The following DPY19L4 variants were observed in gnomAD, a reference collection of about 807,000 sequenced individuals.
DPY19L4 encodes probable C-mannosyltransferase DPY19L4.
DPY19L4 carries 97 observed loss-of-function variants against 102.8 expected under a neutral mutation model. The observed-to-expected ratio is 0.94, with a 90% confidence interval of 0.80 to 1.12. DPY19L4 has a LOEUF of 1.12. Among genes scored for constraint, DPY19L4 ranks in the 50% most tolerant of loss-of-function variants. The pLI is 0.00. For missense variants in DPY19L4, 815 were observed against 850.4 expected (o/e 0.96, Z 0.52); for synonymous variants, 252 against 283.1 (o/e 0.89, Z 1.10).
chr8:94,756,503 A>G (rs2130863471), intron 7 of DPY19L4, among the ~76,000 whole-genome samples: 1 of 152,320 alleles, frequency 6.6e-6, no homozygotes, highest in African/African-American at 2.4e-5. Context: ...ATTTAAAGAT[A>G]TATTAAACAA....
chr8:94,727,514 A>G (rs60712208), intron 2 of DPY19L4, among the ~76,000 whole-genome samples: 4,319 of 152,338 alleles, frequency 0.028, 193 homozygotes, highest in African/African-American at 0.096. Context: ...GATTATAGGC[A>G]TAAGCCACCG....
At chr8:94,730,030 AAATTTT>A (rs1810876787) in intron 2 of DPY19L4, among the ~76,000 whole-genome samples, 1 of 152,078 alleles carries the variant, frequency 6.6e-6, no homozygotes, top group African/African-American at 2.4e-5. Context: ...AATACTCTTA[AAATTTT>A]GGCATAAGTG....
At chr8:94,782,981 T>A (rs1813497937) in intron 16 of DPY19L4, among the ~76,000 whole-genome samples, 1 of 152,236 alleles carries the variant, frequency 6.6e-6, no homozygotes, top group Admixed American at 6.5e-5. Context: ...TTCCTCACTA[T>A]TGAGGACAGT....
At chr8:94,770,954 ACCCAGGCTG>A (rs1812905590) in intron 13 of DPY19L4, among the ~76,000 whole-genome samples, 1 of 147,766 alleles carries the variant, frequency 6.8e-6, no homozygotes. Flanking sequence ...TCGCTCTGTC[ACCCAGGCTG>A]GAGTGCAGTG....
At chr8:94,739,823 CTT>C (rs777988895) in intron 6 of DPY19L4, 33 bp downstream of exon 6, 3 of 1,607,430 alleles carry the variant, frequency 1.9e-6, no homozygotes, top group East Asian at 4.5e-5. Flanking sequence ...TTTTTAAAAA[CTT>C]TTTGTGGCTG....
intron 1 of DPY19L4, among the ~76,000 whole-genome samples, chr8:94,723,481 A>G (rs1810561862): frequency 6.6e-6 from 1 of 152,166 alleles, no homozygotes; most frequent in Non-Finnish European, 1.5e-5. Flanking sequence ...CTCAAAAAAA[A>G]AAAAAAGATA....
intron 12 of DPY19L4, 59 bp from the exon 13 acceptor site, chr8:94,770,393 T>C (rs2130902174): frequency 6.6e-7 from 1 of 1,505,906 alleles, no homozygotes; most frequent in South Asian, 1.3e-5. Flanking sequence ...AAACAATGTA[T>C]CTTTGGTTTT....
intron 2 of DPY19L4, among the ~76,000 whole-genome samples, chr8:94,730,733 G>A (rs1203677368): frequency 4.9e-5 from 7 of 143,096 alleles, no homozygotes; most frequent in Non-Finnish European, 7.6e-5. Context: ...CAACAAGAGC[G>A]AAACTCTGTC....
In DPY19L4 at chr8:94,790,549, CATG is replaced by C. The variant is rs1444444057; in HGVS notation, c.*643_*645del. 1.3e-5 allele frequency: 2 copies of C among 152,272 alleles called. No individual in the cohort carries two copies. Among genetic ancestry groups the C allele is most frequent in the East Asian group, 1.9e-4 (1 of 5,202 alleles). The allele number at this position is 152,272 out of a possible 1,614,324, so 9.4% of individuals were successfully genotyped here. On this transcript the variant is annotated 3_prime_UTR_variant, in exon 19 of 19. Coordinates refer to ENST00000414645, the MANE Select transcript of DPY19L4 (RefSeq NM_181787.3). ...AGAACTTTCTTAGTAATACATAATG[CATG>C]ATGTTACTGCATTTTCTAAATGACT...
intron 1 of DPY19L4, among the ~76,000 whole-genome samples, chr8:94,724,596 C>T (rs1175241012): frequency 2.0e-5 from 3 of 151,492 alleles, no homozygotes; most frequent in African/African-American, 4.8e-5. Flanking sequence ...TGTTTTGTTT[C>T]GTTTTGTTTT....
At chr8:94,737,990 T>C (rs975999413) in intron 3 of DPY19L4, among the ~76,000 whole-genome samples, 12 of 151,568 alleles carry the variant, frequency 7.9e-5, no homozygotes, top group Admixed American at 7.9e-4. Context: ...CCAGCCTGGG[T>C]AACAGAGAGA....
intron 13 of DPY19L4, among the ~76,000 whole-genome samples, chr8:94,774,829 G>A (rs543683573): frequency 5.2e-4 from 79 of 151,848 alleles, no homozygotes; most frequent in Middle Eastern, 3.4e-3. Flanking sequence ...TGCCCGCCTC[G>A]GCCCCCCAAA....
chr8:94,751,755 G>A (rs1387242936), intron 6 of DPY19L4, among the ~76,000 whole-genome samples: 1 of 152,148 alleles, frequency 6.6e-6, no homozygotes, highest in Admixed American at 6.6e-5. Context: ...CTCCCAAAGA[G>A]CTGGGATTAC....
chr8:94,731,961 C>T (rs1261360760), intron 2 of DPY19L4, among the ~76,000 whole-genome samples: 2 of 152,058 alleles, frequency 1.3e-5, no homozygotes, highest in South Asian at 2.1e-4. Flanking sequence ...TTAGTAGAGA[C>T]GGGGTTTTGC....
At chr8:94,756,226 G>A in intron 7 of DPY19L4, 67 bp downstream of exon 7, 1 of 1,562,618 alleles carries the variant, frequency 6.4e-7, no homozygotes, top group Middle Eastern at 1.7e-4. Context: ...GCACATAATA[G>A]CAAATAAATT....
chr8:94,746,054 A>ATTT (rs35095979), intron 6 of DPY19L4, among the ~76,000 whole-genome samples: 676 of 67,104 alleles, frequency 0.01, 48 homozygotes, highest in African/African-American at 0.041. Context: ...ATGCCTGGCC[A>ATTT]TTTTTTTTTT....
intron 13 of DPY19L4, among the ~76,000 whole-genome samples, chr8:94,775,221 G>A (rs1047402330): frequency 1.7e-4 from 25 of 150,438 alleles, no homozygotes; most frequent in Admixed American, 8.7e-4. Context: ...TTCTCTTGCC[G>A]AGGCTGGAGG....
At chr8:94,723,823 C>T (rs891204825) in intron 1 of DPY19L4, among the ~76,000 whole-genome samples, 1 of 151,976 alleles carries the variant, frequency 6.6e-6, no homozygotes, top group East Asian at 1.9e-4. Context: ...CGTATGGCAT[C>T]TTAGAATCAG....
At chr8:94,757,603 T>G (rs1188986359) in intron 7 of DPY19L4, among the ~76,000 whole-genome samples, 1 of 151,970 alleles carries the variant, frequency 6.6e-6, no homozygotes, top group African/African-American at 2.4e-5. Flanking sequence ...AGAGACGGGG[T>G]ATCACTATGT....
Sources: allele counts gnomAD v4.1 joint callset (sites outside exome capture counted in the v4.1 genomes callset), GRCh38; gene constraint gnomAD v4.1.1; transcripts MANE v1.5; gene names NCBI Gene and HGNC (gene_info 2026-07-23, HGNC 2026-07-21).